The following KIF16B variants were observed in gnomAD, a reference collection of about 807,000 sequenced individuals.
KIF16B encodes the protein kinesin family member 16B.
KIF16B carries 98 observed loss-of-function variants against 156.3 expected under a neutral mutation model. The ratio of observed to expected loss-of-function variants is 0.63; its 90% CI spans 0.53 to 0.74. KIF16B has a LOEUF of 0.74. Ranked by LOEUF, KIF16B falls within the 30% of genes least tolerant of loss-of-function variation. The pLI, the probability that KIF16B is intolerant of heterozygous loss-of-function variation, is 0.00. For synonymous variants in KIF16B, 564 were observed against 583.7 expected, an observed-to-expected ratio of 0.97 and a Z score of 0.49; for missense variants, 1,421 against 1,606.5, an observed-to-expected ratio of 0.88 and a Z score of 1.97.
chr20:16,444,159 T>A (rs1377188512), intron 12 of KIF16B, among the ~76,000 whole-genome samples: 2 of 152,228 alleles, frequency 1.3e-5, no homozygotes, highest in Admixed American at 1.3e-4. Flanking sequence ...GTTAAAAAAC[T>A]ATTTACATGT....
chr20:16,279,190 C>T (rs1193063479), intron 25 of KIF16B, among the ~76,000 whole-genome samples: 5 of 152,110 alleles, frequency 3.3e-5, no homozygotes, highest in Non-Finnish European at 5.9e-5. Flanking sequence ...AATTGGTTAA[C>T]TGGTTGACTT....
intron 16 of KIF16B, among the ~76,000 whole-genome samples, chr20:16,405,406 G>T (rs139237398): frequency 6.6e-6 from 1 of 152,086 alleles, no homozygotes; most frequent in African/African-American, 2.4e-5. Context: ...TACCAAAAAC[G>T]ACCCTCTAGG....
intron 12 of KIF16B, among the ~76,000 whole-genome samples, chr20:16,465,770 A>AT (rs2067473456): frequency 6.6e-6 from 1 of 152,032 alleles, no homozygotes; most frequent in African/African-American, 2.4e-5. Flanking sequence ...TCTCACTTAA[A>AT]AAAAAAAAAA....
chr20:16,367,540 T>A (rs771070957), intron 22 of KIF16B: 2 of 1,612,754 alleles, frequency 1.2e-6, no homozygotes, highest in Admixed American at 1.7e-5. Flanking sequence ...CTGGCACTGG[T>A]CATGGCCAGA....
intron 15 of KIF16B, among the ~76,000 whole-genome samples, chr20:16,419,772 G>A (rs1466872642): frequency 6.6e-6 from 1 of 152,028 alleles, no homozygotes; most frequent in African/African-American, 2.4e-5. Flanking sequence ...AAATAAGAGA[G>A]AATAGCTCCT....
At chr20:16,398,825 G>C (rs1338919233) in intron 17 of KIF16B, among the ~76,000 whole-genome samples, 1 of 152,180 alleles carries the variant, frequency 6.6e-6, no homozygotes, top group Non-Finnish European at 1.5e-5. Context: ...CGGCTTCACA[G>C]GGACCTGGGC....
At chr20:16,514,948 C>T (rs1445353488) in intron 4 of KIF16B, among the ~76,000 whole-genome samples, 3 of 106,196 alleles carry the variant, frequency 2.8e-5, no homozygotes, top group Non-Finnish European at 5.9e-5. Context: ...CTGGAGAAAA[C>T]ACAGAACAAG....
intron 15 of KIF16B, among the ~76,000 whole-genome samples, chr20:16,411,962 G>A (rs1445719304): frequency 1.3e-5 from 2 of 150,758 alleles, no homozygotes; most frequent in Non-Finnish European, 3.0e-5. Context: ...GTGTGTGTGT[G>A]TGTGTGTGTG....
intron 25 of KIF16B, among the ~76,000 whole-genome samples, chr20:16,297,313 A>C (rs2063402377): frequency 6.6e-6 from 1 of 152,224 alleles, no homozygotes; most frequent in African/African-American, 2.4e-5. Context: ...AGTGGTAAAA[A>C]AAGCACTACT....
At chr20:16,346,416 T>C (rs2064235795) in intron 23 of KIF16B, among the ~76,000 whole-genome samples, 1 of 152,120 alleles carries the variant, frequency 6.6e-6, no homozygotes, top group African/African-American at 2.4e-5. Flanking sequence ...TGCAAATGCA[T>C]CACCGACAAG....
chr20:16,510,433 T>C (rs1008734643), intron 6 of KIF16B, among the ~76,000 whole-genome samples: 1 of 152,102 alleles, frequency 6.6e-6, no homozygotes, highest in African/African-American at 2.4e-5. Flanking sequence ...AGGTGGATCA[T>C]GAGGTCAGGA....
intron 22 of KIF16B, among the ~76,000 whole-genome samples, chr20:16,362,733 T>C (rs2064574535): frequency 6.6e-6 from 1 of 152,028 alleles, no homozygotes; most frequent in South Asian, 2.1e-4. Flanking sequence ...TGAAATGGAG[T>C]TCCACGTGAA....
At chr20:16,302,185 A>T (rs1443274183) in intron 25 of KIF16B, among the ~76,000 whole-genome samples, 1 of 152,198 alleles carries the variant, frequency 6.6e-6, no homozygotes, top group African/African-American at 2.4e-5. Context: ...TGTATCTAAA[A>T]AGTTATTTCC....
intron 1 of KIF16B, among the ~76,000 whole-genome samples, chr20:16,565,546 C>G (rs573405308): frequency 7.2e-5 from 11 of 152,184 alleles, no homozygotes; most frequent in Non-Finnish European, 1.3e-4. Flanking sequence ...CCCAGTCACT[C>G]GGCTAGCCCA....
At chr20:16,412,976 G>A (rs983907291) in intron 15 of KIF16B, among the ~76,000 whole-genome samples, 2 of 151,934 alleles carry the variant, frequency 1.3e-5, no homozygotes, top group Admixed American at 6.6e-5. Context: ...AAATCTCGGT[G>A]TGGTTAAGGA....
At chr20:16,408,924 C>A (rs1176648727) in intron 15 of KIF16B, among the ~76,000 whole-genome samples, 1 of 152,030 alleles carries the variant, frequency 6.6e-6, no homozygotes, top group Non-Finnish European at 1.5e-5. Context: ...GTTCATTCAG[C>A]AAATATTTAA....
chr20:16,517,495 G>A (rs1283280350), intron 3 of KIF16B, among the ~76,000 whole-genome samples: 2 of 152,210 alleles, frequency 1.3e-5, no homozygotes, highest in African/African-American at 2.4e-5. Flanking sequence ...CCATTGATGA[G>A]GAAGCTGAAT....
In KIF16B at chr20:16,526,350, C is replaced by T. The variant is rs189262470; in HGVS notation, c.118-145G>A. On this transcript the variant is annotated intron_variant, in intron 2 of 25. Transcript: ENST00000354981. ...TAAATAAATAAAATTTAAATATAAACTAAACTCCTTGCAGCAATCCAAGTT... is the reference window on the plus strand; with the variant it reads ...TAAATAAATAAAATTTAAATATAAATTAAACTCCTTGCAGCAATCCAAGTT... 361 of 430,032 alleles carry T rather than the reference C, an allele frequency of 8.4e-4. 2 individuals are homozygous for T. In the East Asian group the frequency reaches 0.012, roughly 15 times the overall value. 26.6% of individuals were successfully genotyped at this position (430,032 alleles called of 1,614,324 possible).
At chr20:16,408,611 T>C (rs1375376705) in intron 15 of KIF16B, among the ~76,000 whole-genome samples, 1 of 152,136 alleles carries the variant, frequency 6.6e-6, no homozygotes, top group African/African-American at 2.4e-5. Flanking sequence ...CTAAAATATG[T>C]TAATGGAAAA....
Sources: allele counts gnomAD v4.1 joint callset (sites outside exome capture counted in the v4.1 genomes callset), GRCh38; gene constraint gnomAD v4.1.1; transcripts MANE v1.5; gene names NCBI Gene and HGNC (gene_info 2026-07-23, HGNC 2026-07-21).